PAG1: variants seen among roughly 807,000 people sequenced by gnomAD.
The protein encoded by PAG1 is phosphoprotein membrane anchor with glycosphingolipid microdomains 1, also known as phosphoprotein associated with glycosphingolipid-enriched microdomains 1.
A neutral mutation model predicts 31.7 loss-of-function variants in PAG1; 23 were observed. The ratio of observed to expected loss-of-function variants is 0.73; its 90% CI spans 0.52 to 1.03. The LOEUF (loss-of-function observed/expected upper bound fraction) is 1.03. PAG1 is among the 50% of genes least tolerant of loss of function. The pLI, the probability that PAG1 is intolerant of heterozygous loss-of-function variation, is 0.00. For missense variants in PAG1, 473 were observed against 540.7 expected (o/e 0.87, Z 1.24); for synonymous variants, 214 against 210.3 (o/e 1.02, Z -0.15).
chr8:81,107,844 T>C (rs1415546512), intron 1 of PAG1, among the ~76,000 whole-genome samples: 4 of 152,228 alleles, frequency 2.6e-5, no homozygotes, highest in Non-Finnish European at 4.4e-5. Flanking sequence ...CGTGTATAAC[T>C]TGTATAACCT....
intron 3 of PAG1, among the ~76,000 whole-genome samples, chr8:80,999,152 C>T (rs578122226): frequency 1.6e-4 from 24 of 152,286 alleles, no homozygotes; most frequent in Admixed American, 8.5e-4. Context: ...GGTAGTCTTC[C>T]GTTCAGGTTA....
At chr8:80,983,733 G>C (rs1426751552) in intron 7 of PAG1, among the ~76,000 whole-genome samples, 1 of 152,136 alleles carries the variant, frequency 6.6e-6, no homozygotes, top group Non-Finnish European at 1.5e-5. Flanking sequence ...AAAAAGCTTT[G>C]TCTGGTTTAG....
At chr8:81,009,439 T>C (rs1432994165) in intron 3 of PAG1, among the ~76,000 whole-genome samples, 2 of 152,178 alleles carry the variant, frequency 1.3e-5, no homozygotes, top group Admixed American at 6.5e-5. Context: ...GAAAAGACTT[T>C]CCCATCAAAC....
intron 3 of PAG1, among the ~76,000 whole-genome samples, chr8:80,997,196 G>C (rs1416176987): frequency 1.3e-5 from 2 of 152,196 alleles, no homozygotes; most frequent in African/African-American, 4.8e-5. Flanking sequence ...TTTTCATGAA[G>C]ACATTTAAGT....
At chr8:81,051,337 G>A (rs902243599) in intron 2 of PAG1, among the ~76,000 whole-genome samples, 2 of 152,166 alleles carry the variant, frequency 1.3e-5, no homozygotes, top group Non-Finnish European at 2.9e-5. Flanking sequence ...GAAACCATCA[G>A]CCCCAAACTG....
intron 3 of PAG1, among the ~76,000 whole-genome samples, chr8:80,994,944 C>T (rs1406142570): frequency 6.6e-6 from 1 of 152,162 alleles, no homozygotes; most frequent in African/African-American, 2.4e-5. Context: ...TTTACATTTT[C>T]GTTTGCTTCA....
intron 1 of PAG1, among the ~76,000 whole-genome samples, chr8:81,107,503 T>G (rs776684980): frequency 6.6e-6 from 1 of 152,194 alleles, no homozygotes; most frequent in Non-Finnish European, 1.5e-5. Flanking sequence ...CTCTTTACTC[T>G]GAAGCTCACT....
At chr8:81,046,419 A>G (rs1427979674) in intron 2 of PAG1, among the ~76,000 whole-genome samples, 1 of 152,160 alleles carries the variant, frequency 6.6e-6, no homozygotes, top group Non-Finnish European at 1.5e-5. Context: ...AAACTCCTCA[A>G]TGATAGGAAA....
At chr8:81,072,807 G>A (rs1344802724) in intron 1 of PAG1, among the ~76,000 whole-genome samples, 1 of 152,170 alleles carries the variant, frequency 6.6e-6, no homozygotes, top group African/African-American at 2.4e-5. Flanking sequence ...GCATAGATGA[G>A]GGAGTGGGTG....
chr8:80,990,943 G>C lies in PAG1; in HGVS notation c.177+536C>G, dbSNP rs1026994340. ...GGGTGGGCACTAGTCCAATATGTCT[G>C]GTGTCTTTATAAAATGGGGAAACTT... On this transcript the variant is annotated intron_variant, in intron 5 of 8. Transcript: ENST00000220597. This position sits in a 1 kb window ranked among gnomAD's most constrained non-coding sequence, Gnocchi z 5.1. Among the ~76,000 whole-genome samples, 3 of 151,604 alleles carry C rather than the reference G, an allele frequency of 2.0e-5. No individual in the cohort carries two copies. Among genetic ancestry groups the C allele is most frequent in the Admixed American group, 6.6e-5 (1 of 15,262 alleles).
chr8:80,997,014 A>T (rs1471523256), intron 3 of PAG1, among the ~76,000 whole-genome samples: 1 of 152,190 alleles, frequency 6.6e-6, no homozygotes, highest in Non-Finnish European at 1.5e-5. Context: ...TGGCATTTCC[A>T]GACTCTACAC....
intron 3 of PAG1, among the ~76,000 whole-genome samples, chr8:80,995,185 A>G (rs1160475933): frequency 6.6e-6 from 1 of 152,244 alleles, no homozygotes; most frequent in African/African-American, 2.4e-5. Context: ...TTTACCTACA[A>G]TGTATGCAGA....
intron 2 of PAG1, among the ~76,000 whole-genome samples, chr8:81,050,056 TA>T (rs1371405943): frequency 3.3e-5 from 5 of 152,154 alleles, no homozygotes; most frequent in African/African-American, 9.7e-5. Flanking sequence ...TATATATGGA[TA>T]AAAACAAAAA....
intron 3 of PAG1, among the ~76,000 whole-genome samples, chr8:81,012,618 G>C (rs548408112): frequency 6.6e-6 from 1 of 152,306 alleles, no homozygotes; most frequent in Admixed American, 6.5e-5. Context: ...ATTCAAAGCA[G>C]CTGATTCTTC....
intron 3 of PAG1, among the ~76,000 whole-genome samples, chr8:81,003,809 T>C (rs1487984289): frequency 6.6e-6 from 1 of 152,212 alleles, no homozygotes; most frequent in African/African-American, 2.4e-5. Flanking sequence ...GCAAGAATCT[T>C]AAATTCTTAA....
intron 1 of PAG1, among the ~76,000 whole-genome samples, chr8:81,095,554 C>T (rs190394690): frequency 1.3e-5 from 2 of 152,156 alleles, no homozygotes; most frequent in African/African-American, 4.8e-5. Context: ...CTCAGGGGGA[C>T]CCTCCCTAGC....
At chr8:81,041,726 C>T (rs73694024) in intron 2 of PAG1, among the ~76,000 whole-genome samples, 9,523 of 152,120 alleles carry the variant, frequency 0.063, 492 homozygotes, top group African/African-American at 0.15. Context: ...TTGCATGCTA[C>T]GAATTAGTGA....
At chr8:81,075,294 A>G (rs2130990300) in intron 1 of PAG1, among the ~76,000 whole-genome samples, 1 of 152,342 alleles carries the variant, frequency 6.6e-6, no homozygotes, top group South Asian at 2.1e-4. Context: ...CCTCTTTATA[A>G]TTTTATAAAA....
chr8:81,084,803 C>T (rs557097806), intron 1 of PAG1, among the ~76,000 whole-genome samples: 25 of 152,174 alleles, frequency 1.6e-4, no homozygotes, highest in African/African-American at 5.8e-4. Context: ...CAGACAAGTG[C>T]CAAAAATTAC....
Sources: allele counts gnomAD v4.1 joint callset (sites outside exome capture counted in the v4.1 genomes callset), GRCh38; gene constraint gnomAD v4.1.1; non-coding constraint Gnocchi (gnomAD v3.1); transcripts MANE v1.5; gene names NCBI Gene and HGNC (gene_info 2026-07-23, HGNC 2026-07-21).